Variants in SUFU observed in about 807,000 individuals in gnomAD.
The protein encoded by SUFU is SUFU negative regulator of hedgehog signaling, also known as suppressor of fused homolog.
Under a neutral mutation model 58.9 loss-of-function variants are expected in SUFU, and 7 were observed. The observed-to-expected ratio is 0.12, with a 90% confidence interval of 0.07 to 0.22. SUFU has a LOEUF of 0.22. Among genes scored for constraint, SUFU ranks in the 10% least tolerant of loss-of-function variants. The pLI, the probability that SUFU is intolerant of heterozygous loss-of-function variation, is 1.00. For synonymous variants in SUFU, 232 were observed against 254.8 expected, an observed-to-expected ratio of 0.91 and a Z score of 0.85; for missense variants, 451 against 641.3, an observed-to-expected ratio of 0.70 and a Z score of 3.20.
At chr10:102,526,021 C>T (rs2062604602) in intron 2 of SUFU, among the ~76,000 whole-genome samples, 1 of 152,080 alleles carries the variant, frequency 6.6e-6, no homozygotes, top group Admixed American at 6.5e-5. Flanking sequence ...GTGGGAGGAT[C>T]ACTTGAGCTC....
chr10:102,549,640 A>C (rs933714089), intron 2 of SUFU, among the ~76,000 whole-genome samples: 2 of 152,134 alleles, frequency 1.3e-5, no homozygotes, highest in Admixed American at 6.6e-5. Context: ...AACAAGGGAG[A>C]TTTTCAGCAG....
intron 2 of SUFU, among the ~76,000 whole-genome samples, chr10:102,535,847 G>A (rs1028926755): frequency 4.6e-5 from 7 of 152,184 alleles, no homozygotes; most frequent in Admixed American, 1.3e-4. Flanking sequence ...AACAGACTAT[G>A]TGAAGCCTTG....
chr10:102,626,920 C>T (rs1425841294), intron 10 of SUFU, among the ~76,000 whole-genome samples: 1 of 152,092 alleles, frequency 6.6e-6, no homozygotes, highest in Non-Finnish European at 1.5e-5. Flanking sequence ...CCCAGCTCTC[C>T]CAGTGTCCTC....
At chr10:102,588,392 C>CAAA (rs201096208) in intron 3 of SUFU, among the ~76,000 whole-genome samples, 1 of 91,602 alleles carries the variant, frequency 1.1e-5, no homozygotes, top group Non-Finnish European at 2.4e-5. Flanking sequence ...GACTCTGTCT[C>CAAA]AAAAAAAAAA....
intron 2 of SUFU, among the ~76,000 whole-genome samples, chr10:102,538,909 T>C (rs1013248019): frequency 5.9e-5 from 9 of 152,226 alleles, no homozygotes; most frequent in African/African-American, 1.9e-4. Context: ...GATTTGGGCA[T>C]AGGCAGCCTG....
chr10:102,531,082 CA>C (rs5787463), intron 2 of SUFU, among the ~76,000 whole-genome samples: 29,098 of 95,254 alleles, frequency 0.31, 3,643 homozygotes, highest in African/African-American at 0.36. Flanking sequence ...CCATTTCTAC[CA>C]AAAAAAAAAA....
At chr10:102,532,705 G>A (rs1420965727) in intron 2 of SUFU, among the ~76,000 whole-genome samples, 1 of 152,156 alleles carries the variant, frequency 6.6e-6, no homozygotes, top group Non-Finnish European at 1.5e-5. Flanking sequence ...GAACACCTGC[G>A]CAGAGTTTCG....
At chr10:102,627,290 C>T in intron 11 of SUFU, 47 bp downstream of exon 11, 1 of 1,548,296 alleles carries the variant, frequency 6.5e-7, no homozygotes, top group South Asian at 1.1e-5. Context: ...TCTCTGGGAC[C>T]ATGTGTGTGC....
intron 3 of SUFU, among the ~76,000 whole-genome samples, chr10:102,565,837 C>T (rs1355678295): frequency 1.3e-5 from 2 of 152,206 alleles, no homozygotes; most frequent in East Asian, 1.9e-4. Context: ...TGAGCCACCA[C>T]GCCTGGCCGA....
At chr10:102,592,988 TTGAA>T (rs973997298) in intron 4 of SUFU, among the ~76,000 whole-genome samples, 16 of 152,248 alleles carry the variant, frequency 1.1e-4, no homozygotes, top group Admixed American at 2.6e-4. Context: ...CGGGTATTCT[TTGAA>T]CAGTGAAGAC....
Position 102,597,649 on chromosome 10 carries a change from G to A in SUFU, c.910+356G>A, listed in dbSNP as rs115493511. ...CAAGAGAAAAGTGTCGGCCACCCAC[G>A]GAATTGACACAGGGCCCAGCTCTGG... is the stretch of plus-strand genomic sequence containing the variant. On this transcript the variant is annotated intron_variant, in intron 7 of 11. Coordinates refer to ENST00000369902, the MANE Select transcript of SUFU (RefSeq NM_016169.4). Among the ~76,000 whole-genome samples, 702 of 152,346 alleles carry A rather than the reference G, an allele frequency of 4.6e-3. 7 individuals are homozygous for A. Among genetic ancestry groups the A allele is most frequent in the African/African-American group, 0.016 (667 of 41,574 alleles).
intron 3 of SUFU, among the ~76,000 whole-genome samples, chr10:102,578,089 C>T (rs1554850539): frequency 2.8e-5 from 4 of 144,778 alleles, no homozygotes; most frequent in East Asian, 4.2e-4. Context: ...GGGTGAATCA[C>T]GAGGTCAGGA....
chr10:102,509,403 G>A (rs544456806), intron 2 of SUFU, 100 bp downstream of exon 2: 30 of 1,528,668 alleles, frequency 2.0e-5, no homozygotes, highest in Admixed American at 1.2e-4. Context: ...GTACTTCTCC[G>A]TGGAACCTCT....
rs955542514 is a variant in SUFU at position 102,619,067 on chromosome 10, T to G, written c.1296+1639T>G. ...CCCAGTTATGTTTGACATCCTCAGCTCTGAACCTATCCTCGGAGCTCTGCC... is the reference window on the plus strand; with the variant it reads ...CCCAGTTATGTTTGACATCCTCAGCGCTGAACCTATCCTCGGAGCTCTGCC... On this transcript the variant is annotated intron_variant, in intron 10 of 11. Coordinates refer to ENST00000369902, the MANE Select transcript of SUFU (RefSeq NM_016169.4). This position sits in a 1 kb window ranked among gnomAD's most constrained non-coding sequence, Gnocchi z 4.2. The G allele has an allele frequency of 1.2e-6, 2 of 1,612,578 alleles. No individual in the cohort carries two copies. Among genetic ancestry groups the G allele is most frequent in the African/African-American group, 2.7e-5 (2 of 74,870 alleles).
intron 3 of SUFU, among the ~76,000 whole-genome samples, chr10:102,568,467 A>G (rs996165601): frequency 3.4e-4 from 51 of 152,232 alleles, no homozygotes; most frequent in African/African-American, 1.2e-3. Context: ...TTATTTGGTT[A>G]CTATCCTTCT....
chr10:102,573,810 G>T (rs745465845), intron 3 of SUFU, among the ~76,000 whole-genome samples: 26 of 152,024 alleles, frequency 1.7e-4, no homozygotes, highest in Non-Finnish European at 2.6e-4. Context: ...GCAAAATGTT[G>T]GTTTCCAGGG....
At chr10:102,583,649 C>CAAA (rs2063306285) in intron 3 of SUFU, among the ~76,000 whole-genome samples, 2 of 152,064 alleles carry the variant, frequency 1.3e-5, no homozygotes, top group Admixed American at 6.5e-5. Flanking sequence ...CAGCCTTTTC[C>CAAA]CTGTTTCCAG....
rs546496508 is a variant in SUFU at position 102,615,660 on chromosome 10, G to A, written c.1157+258G>A. Among the ~76,000 whole-genome samples the A allele has an allele frequency of 3.3e-5, 5 of 152,306 alleles. No individual in the cohort carries two copies. In the South Asian group the frequency reaches 1.0e-3, roughly 32 times the overall value. On this transcript the variant is annotated intron_variant, in intron 9 of 11. Coordinates refer to ENST00000369902, the MANE Select transcript of SUFU (RefSeq NM_016169.4). ...CATGGGGCCTGTTTAGGAGCCTGGG[G>A]ACTGTGAACCAGCCAGTCGCCCCCA...
intron 2 of SUFU, among the ~76,000 whole-genome samples, chr10:102,518,035 G>A (rs1437038049): frequency 6.6e-6 from 1 of 152,180 alleles, no homozygotes; most frequent in African/African-American, 2.4e-5. Flanking sequence ...GCAGCTTCCT[G>A]TCTCCCTGTG....
Sources: gnomAD v4.1 joint callset for allele counts (sites outside exome capture counted in the v4.1 genomes callset) on GRCh38, gnomAD v4.1.1 for gene constraint, Gnocchi (gnomAD v3.1) non-coding constraint, MANE v1.5 for transcripts, NCBI Gene and HGNC (gene_info 2026-07-23, HGNC 2026-07-21) for gene names.